Variants in SNX29 observed in about 807,000 individuals in gnomAD.
SNX29 encodes the protein sorting nexin 29.
In SNX29, 78 loss-of-function variants were observed where a neutral mutation model predicts 102.1. That is an observed-to-expected ratio of 0.76 (90% CI 0.64 to 0.92). SNX29 has a LOEUF of 0.92. Among genes scored for constraint, SNX29 ranks in the 40% least tolerant of loss-of-function variants. The pLI is 0.00. For missense variants in SNX29, 1,280 were observed against 1,061.7 expected, an observed-to-expected ratio of 1.21 and a Z score of -2.86; for synonymous variants, 580 against 414.5, an observed-to-expected ratio of 1.40 and a Z score of -4.85.
At chr16:12,180,052 G>A (rs1333343270) in intron 13 of SNX29, among the ~76,000 whole-genome samples, 5 of 152,038 alleles carry the variant, frequency 3.3e-5, no homozygotes, top group African/African-American at 1.2e-4. Context: ...TTTGAATTGA[G>A]TTTTTAGTAC....
Position 12,203,645 on chromosome 16 carries a change from G to A in SNX29, c.1678+3962G>A, listed in dbSNP as rs72784697. Among the ~76,000 whole-genome samples, 629 of 152,296 alleles carry A rather than the reference G, an allele frequency of 4.1e-3. 3 individuals are homozygous for A. The highest frequency in any genetic ancestry group is 6.9e-3 in the Non-Finnish European group (467 of 68,022). ...GGTCAGTGGCTGCATGTTCAGCTGG[G>A]AGGCTGGCCACTCTGATGTTTCCAC... On this transcript the variant is annotated intron_variant, in intron 14 of 20. Transcript: ENST00000566228.
chr16:12,049,384 G>C (rs1478431048), intron 7 of SNX29, among the ~76,000 whole-genome samples: 2 of 151,280 alleles, frequency 1.3e-5, no homozygotes, highest in African/African-American at 4.9e-5. Context: ...CCGGGTTGGA[G>C]TGCAGTGGCA....
rs143775197 is a variant in SNX29 at position 12,036,689 on chromosome 16, T to G, written c.248-6208T>G. On this transcript the variant is annotated intron_variant, in intron 4 of 20. Coordinates refer to ENST00000566228, the MANE Select transcript of SNX29 (RefSeq NM_032167.5). ...TTGTTGAGCAATGCTTTGTTTGTTT[T>G]GGGGCAGTGTTGTCACATTGATGAG... is the stretch of plus-strand genomic sequence containing the variant. Among the ~76,000 whole-genome samples, 1,033 of 152,230 alleles carry G rather than the reference T, an allele frequency of 6.8e-3. 12 individuals are homozygous for G. Among genetic ancestry groups the G allele is most frequent in the East Asian group, 0.037 (191 of 5,184 alleles).
chr16:12,127,817 A>AT (rs2054284087), intron 12 of SNX29, among the ~76,000 whole-genome samples: 1 of 152,128 alleles, frequency 6.6e-6, no homozygotes, highest in African/African-American at 2.4e-5. Flanking sequence ...CAAATCAGGG[A>AT]TACTTAGGGC....
chr16:12,212,136 G>T (rs764663966), intron 14 of SNX29, among the ~76,000 whole-genome samples: 1 of 152,096 alleles, frequency 6.6e-6, no homozygotes, highest in Admixed American at 6.5e-5. Context: ...GCCCAGAGAC[G>T]CCTGCCTATG....
At chr16:12,072,534 G>T (rs150182369) in intron 10 of SNX29, among the ~76,000 whole-genome samples, 2,771 of 152,276 alleles carry the variant, frequency 0.018, 67 homozygotes, top group African/African-American at 0.045. Flanking sequence ...GATCATGGTA[G>T]ATAAGCTTTT....
At chr16:12,354,597 G>C (rs2082078808) in intron 15 of SNX29, among the ~76,000 whole-genome samples, 1 of 152,182 alleles carries the variant, frequency 6.6e-6, no homozygotes, top group Admixed American at 6.5e-5. Context: ...ATTTTGTGGG[G>C]GCACATTGGC....
chr16:12,030,606 C>A (rs1850578402), intron 4 of SNX29, among the ~76,000 whole-genome samples: 2 of 152,310 alleles, frequency 1.3e-5, no homozygotes, highest in South Asian at 2.1e-4. Flanking sequence ...TTGTGTTTTC[C>A]TGCCTTCAGT....
chr16:12,141,251 A>G (rs1177992749), intron 13 of SNX29, among the ~76,000 whole-genome samples: 1 of 152,222 alleles, frequency 6.6e-6, no homozygotes, highest in African/African-American at 2.4e-5. Context: ...GAATGGCCAC[A>G]GGACGATTGA....
chr16:12,356,068 C>G (rs11075062), intron 15 of SNX29, 95 bp from the exon 16 acceptor site: 535,838 of 1,125,314 alleles, frequency 0.48, 135,952 homozygotes, highest in Non-Finnish European at 0.54. Flanking sequence ...AGATGTTTTG[C>G]TGACAGGTGT....
At chr16:12,398,588 C>T in intron 17 of SNX29, 87 bp downstream of exon 17, 1 of 1,467,520 alleles carries the variant, frequency 6.8e-7, no homozygotes, top group Non-Finnish European at 9.5e-7. Flanking sequence ...CAGGGGGAAA[C>T]AGAAATCACT....
chr16:12,111,456 C>T (rs1196369926), intron 11 of SNX29, among the ~76,000 whole-genome samples: 2 of 152,188 alleles, frequency 1.3e-5, no homozygotes, highest in African/African-American at 4.8e-5. Flanking sequence ...CTTCTTACCT[C>T]AGAGACTTGA....
intron 1 of SNX29, among the ~76,000 whole-genome samples, chr16:11,990,841 C>G (rs940961982): frequency 6.6e-6 from 1 of 152,200 alleles, no homozygotes; most frequent in East Asian, 1.9e-4. Flanking sequence ...GCTGTAAGGT[C>G]TACAAACTCC....
At chr16:12,071,750 A>T (rs2151309854) in intron 10 of SNX29, among the ~76,000 whole-genome samples, 1 of 152,272 alleles carries the variant, frequency 6.6e-6, no homozygotes, top group East Asian at 1.9e-4. Context: ...GAATCTATAA[A>T]TTACCTTGGG....
chr16:12,074,056 TGTGTGTCTCTGCAC>T (rs1195855886), intron 10 of SNX29, among the ~76,000 whole-genome samples: 1 of 152,082 alleles, frequency 6.6e-6, no homozygotes, highest in African/African-American at 2.4e-5. Flanking sequence ...TTTGAGCCTA[TGTGTGTCTCTGCAC>T]GTGAGATGGG....
intron 20 of SNX29, among the ~76,000 whole-genome samples, chr16:12,565,473 A>G (rs2078960622): frequency 6.6e-6 from 1 of 152,142 alleles, no homozygotes. Flanking sequence ...CTCTCAAACC[A>G]TCACAGCACC....
chr16:12,310,073 C>T (rs1008275625), intron 15 of SNX29, among the ~76,000 whole-genome samples: 10 of 151,694 alleles, frequency 6.6e-5, no homozygotes, highest in African/African-American at 2.2e-4. Flanking sequence ...CACGCACATA[C>T]ATACACATGT....
At chr16:11,981,036 C>T (rs545238647) in intron 1 of SNX29, among the ~76,000 whole-genome samples, 4 of 151,308 alleles carry the variant, frequency 2.6e-5, no homozygotes, top group South Asian at 2.1e-4. Context: ...TGAGAAATCT[C>T]GTCTCACTGC....
At chr16:12,249,733 A>C (rs1173477939) in intron 14 of SNX29, among the ~76,000 whole-genome samples, 2 of 152,220 alleles carry the variant, frequency 1.3e-5, no homozygotes, top group Non-Finnish European at 2.9e-5. Flanking sequence ...AATTAGGTGA[A>C]TAATACATGT....
Sources: gnomAD v4.1 joint callset for allele counts (sites outside exome capture counted in the v4.1 genomes callset) on GRCh38, gnomAD v4.1.1 for gene constraint, MANE v1.5 for transcripts, NCBI Gene and HGNC (gene_info 2026-07-23, HGNC 2026-07-21) for gene names.